SEC16A: variants seen among roughly 807,000 people sequenced by gnomAD.
SEC16A encodes the protein SEC16 homolog A, endoplasmic reticulum export factor.
SEC16A carries 110 observed loss-of-function variants against 221.9 expected under a neutral mutation model. The ratio of observed to expected loss-of-function variants is 0.50; its 90% CI spans 0.42 to 0.58. The LOEUF (loss-of-function observed/expected upper bound fraction) is 0.58, where lower values mean the gene tolerates loss of function less well. SEC16A is among the 20% of genes least tolerant of loss of function. The pLI is 0.00. For synonymous variants in SEC16A, 1,393 were observed against 1,257.7 expected (o/e 1.11, Z -2.28); for missense variants, 3,165 against 3,097.8 (o/e 1.02, Z -0.52).
intron 28 of SEC16A, 112 bp downstream of exon 28, chr9:136,446,743 C>G: frequency 9.1e-7 from 1 of 1,098,588 alleles, no homozygotes; most frequent in Non-Finnish European, 1.3e-6. Flanking sequence ...TAAGGCGGAA[C>G]ACTCTACGTA....
rs769540478 is a variant in SEC16A at position 136,472,063 on chromosome 9, C to A, written c.3616G>T (p.Ala1206Ser). The change falls in exon 4 of 32, where the codon GCG becomes TCG. Residue 1206 changes from alanine to serine, a missense_variant. Physicochemically the swap from Ala to Ser is moderately conservative, Grantham distance 99. Coordinates refer to ENST00000684901, the MANE Select transcript of SEC16A (RefSeq NM_014866.2). ...EPRYRPYDGA[A>S]SAYAQNYRYP... is the part of the protein sequence containing the mutation. ...CGGTAGTTCTGGGCGTAAGCAGACG[C>A]AGCACCATCATAGGGCCTGTATCGA... is the stretch of plus-strand genomic sequence containing the variant. 3 of 1,613,636 alleles carry A rather than the reference C, an allele frequency of 1.9e-6. No homozygotes were observed. The East Asian group carries it at 6.7e-5, about 36-fold the overall frequency.
intron 1 of SEC16A, among the ~76,000 whole-genome samples, chr9:136,481,134 T>C (rs920804358): frequency 7.4e-6 from 1 of 135,988 alleles, no homozygotes; most frequent in African/African-American, 2.7e-5. Context: ...TTATTCTTTT[T>C]TTTTTTTTTT....
In SEC16A at chr9:136,463,481, G is replaced by C; in HGVS notation, c.4629C>G (p.Leu1543=). 1 of 1,613,806 alleles carries C rather than the reference G, an allele frequency of 6.2e-7. No individual in the cohort carries two copies. The highest frequency in any genetic ancestry group is 8.5e-7 in the Non-Finnish European group (1 of 1,179,832). Residue 1543 remains leucine, a synonymous_variant, in exon 11 of 32, where the codon CTC becomes CTG. Coordinates refer to ENST00000684901, the MANE Select transcript of SEC16A (RefSeq NM_014866.2). ...SASLLWNFIV[L]LCRQNGTVVG... is the part of the protein sequence containing the mutation. ...AACATACCCCATTTTGTCTGCATAA[G>C]AGAACAATAAAATTCCAAAGAAGAC...
At position 136,454,163 on chromosome 9, in the gene SEC16A, G is replaced by A; in HGVS notation, c.6022C>T (p.Pro2008Ser). Residue 2008 changes from proline to serine, a missense_variant, in exon 21 of 32, where the codon CCA (proline) becomes TCA (serine). Physicochemically the swap from Pro to Ser is moderately conservative, Grantham distance 74. Around this residue, in one of 3 missense-constraint regions of SEC16A, gnomAD observed 1,088 missense variants for 1,089.6 expected, o/e 1.00. Coordinates refer to ENST00000684901, the MANE Select transcript of SEC16A (RefSeq NM_014866.2). ...AAGTGTCTCCTTTCCTGCAGAGGTG[G>A]CACACCAGGTGGGAGGCCAGGCCCG... ...PSGPGLPPGV[P>S]PLQERRHLLQ... The A allele has an allele frequency of 6.4e-7, 1 of 1,556,576 alleles. No homozygotes were observed. The highest frequency in any genetic ancestry group is 8.7e-7 in the Non-Finnish European group (1 of 1,149,868).
rs1017505490 is a variant in SEC16A at position 136,463,025 on chromosome 9, C to A, written c.4755G>T (p.Glu1585Asp). The A allele has an allele frequency of 1.2e-6, 2 of 1,612,254 alleles. No individual in the cohort carries two copies. Among genetic ancestry groups the A allele is most frequent in the Admixed American group, 1.7e-5 (1 of 60,008 alleles). The change falls in exon 12 of 32, where the codon GAG (glutamate) becomes GAT (aspartate). Residue 1585 changes from glutamate (E) to aspartate (D), a missense_variant. Around this residue, in one of 3 missense-constraint regions of SEC16A, gnomAD observed 1,088 missense variants for 1,089.6 expected, o/e 1.00. Transcript: ENST00000684901. ...CCTCCTCTTCCACCTGCTCCACTGC[C>A]TCATTCGTGAAATCAATCAGGTTTG... ...NEANLIDFTN[E>D]AVEQVEEEES...
chr9:136,447,289 G>T lies in SEC16A; in HGVS notation c.6635C>A (p.Ala2212Glu), dbSNP rs778158049. The change falls in exon 27 of 32, where the codon GCG becomes GAG. Residue 2212 changes from alanine to glutamate, a missense_variant. Coordinates refer to ENST00000684901, the MANE Select transcript of SEC16A (RefSeq NM_014866.2). The surrounding 1 kb of genome is among the most constrained non-coding windows in gnomAD (Gnocchi z 5.5). Reference sequence around the variant, plus strand: ...TGGCGCGAGTGGAGCGACAAAGTCCGCAGGAGCGAGAGCCGGCTCGCTCCG... The same window carrying T: ...TGGCGCGAGTGGAGCGACAAAGTCCTCAGGAGCGAGAGCCGGCTCGCTCCG... ...TQRSEPALAP[A>E]DFVAPLAPLP... 1.9e-6 allele frequency: 3 copies of T among 1,597,568 alleles called. No individual in the cohort carries two copies. The highest frequency in any genetic ancestry group is 2.7e-5 in the African/African-American group (2 of 74,826).
chr9:136,447,077 C>CAA lies in SEC16A; in HGVS notation c.6698-130_6698-129dup. On this transcript the variant is annotated intron_variant, in intron 27 of 31. Transcript: ENST00000684901. The surrounding 1 kb of genome is among the most constrained non-coding windows in gnomAD (Gnocchi z 5.5). ...CACACTCATGCAGAAACAGGCAAAT[C>CAA]AAAAAAAAAACCACAAACCAACCCC... The CAA allele has an allele frequency of 4.1e-6, 6 of 1,449,294 alleles. No homozygotes were observed. Among genetic ancestry groups the CAA allele is most frequent in the East Asian group, 2.5e-5 (1 of 39,818 alleles). The allele number at this position is 1,449,294 out of a possible 1,614,324, so 89.8% of individuals were successfully genotyped here.
Position 136,471,984 on chromosome 9 carries a change from G to A in SEC16A, c.3695C>T (p.Pro1232Leu). The A allele has an allele frequency of 6.2e-7, 1 of 1,612,008 alleles. No individual in the cohort carries two copies. Among genetic ancestry groups the A allele is most frequent in the Non-Finnish European group, 8.5e-7 (1 of 1,179,828 alleles). Residue 1232 changes from proline (P) to leucine (L), a missense_variant, in exon 4 of 32, where the codon CCA becomes CTA. Transcript: ENST00000684901. ...GTGGGCGCGGCCGCACCTGGGAGGT[G>A]GCCGTTCCGAGGAGTGGCTGGCTCG... ...SSRASHSSER[P>L]PPRQGYPEGY...
At position 136,476,148 on chromosome 9, in the gene SEC16A, C is replaced by CATAT. The variant is rs1214665156; in HGVS notation, c.1464_1467dup (p.Gly490IlefsTer22). 1 of 1,613,740 alleles carries CATAT rather than the reference C, an allele frequency of 6.2e-7. No individual in the cohort carries two copies. Among genetic ancestry groups the CATAT allele is most frequent in the Non-Finnish European group, 8.5e-7 (1 of 1,179,896 alleles). ...GGCACAGCTGGCCCAGGAAGGGGCC[C>CATAT]ATATCTGAACTGGTCACTCGGGGAG... is the stretch of plus-strand genomic sequence containing the variant. On this transcript the variant is annotated frameshift_variant, in exon 3 of 32. Transcript: ENST00000684901. LOFTEE classifies it high-confidence loss of function.
rs771965714 is a variant in SEC16A, at chr9:136,474,482, G to A, written c.3134C>T (p.Thr1045Met). ...PNLDRFYQQVTKDAQGQPGLE... is the reference protein window; with the variant it reads ...PNLDRFYQQVMKDAQGQPGLE... ...GCCAGGCTGGCCCTGGGCATCTTTC[G>A]TGACCTGCTGATAAAAACGGTCAAG... The change falls in exon 3 of 32, where the codon ACG (threonine) becomes ATG (methionine). Residue 1045 changes from threonine to methionine, a missense_variant. Thr to Met is a moderately conservative substitution (Grantham distance 81, BLOSUM62 -1). Around this residue, in one of 3 missense-constraint regions of SEC16A, gnomAD observed 2,030 missense variants for 1,923.1 expected, o/e 1.06. Coordinates refer to ENST00000684901, the MANE Select transcript of SEC16A (RefSeq NM_014866.2). The A allele has an allele frequency of 2.4e-5, 38 of 1,613,064 alleles. No individual in the cohort carries two copies. Among genetic ancestry groups the A allele is most frequent in the South Asian group, 2.0e-4 (18 of 91,080 alleles).
chr9:136,457,056 C>T (rs1838776677), intron 18 of SEC16A, among the ~76,000 whole-genome samples: 1 of 152,178 alleles, frequency 6.6e-6, no homozygotes, highest in African/African-American at 2.4e-5. Context: ...GCCTGTAATC[C>T]CAGCTACTTG....
rs549953742 is a variant in SEC16A, at chr9:136,441,222, C to T, written c.*533G>A. ...TCGGAGGCGCTGATTGAGAACACAG[C>T]GCCCTCCACTCATTCAGCCAGGTTC... On this transcript the variant is annotated 3_prime_UTR_variant, in exon 32 of 32. Coordinates refer to ENST00000684901, the MANE Select transcript of SEC16A (RefSeq NM_014866.2). 6.0e-4 allele frequency: 94 copies of T among 155,602 alleles called. No homozygotes were observed. The highest frequency in any genetic ancestry group is 2.1e-3 in the African/African-American group (86 of 41,628). The allele number at this position is 155,602 out of a possible 1,614,324, so 9.6% of individuals were successfully genotyped here.
At position 136,476,921 on chromosome 9, in the gene SEC16A, C is replaced by T. The variant is rs757813112; in HGVS notation, c.695G>A (p.Cys232Tyr). 8.7e-5 allele frequency: 140 copies of T among 1,611,812 alleles called. No individual in the cohort carries two copies. The highest frequency in any genetic ancestry group is 1.1e-4 in the Non-Finnish European group (134 of 1,179,554). ...CCCGCTGGGAACAGGTCCTTCAGGG[C>T]AGGGTGAACGATGTTGCCCCGAGGG... ...PQPSGQHRSPCPEGPVPSGVP... is the reference protein window; with the variant it reads ...PQPSGQHRSPYPEGPVPSGVP... The change falls in exon 3 of 32, where the codon TGC becomes TAC. Residue 232 changes from cysteine (C) to tyrosine (Y), a missense_variant. This residue lies in a region of SEC16A where 2,030 missense variants were observed against 1,923.1 expected (regional missense o/e 1.06). Transcript: ENST00000684901.
rs1262559434 is a variant in SEC16A at position 136,468,504 on chromosome 9, T to C, written c.3713A>G (p.Tyr1238Cys). 21 of 1,606,680 alleles carry C rather than the reference T, an allele frequency of 1.3e-5. No homozygotes were observed. The highest frequency in any genetic ancestry group is 3.4e-6 in the Non-Finnish European group (4 of 1,173,836). ...SSERPPPRQG[Y>C]PEGYYSSKSG... ...TTTGGAACTATAGTATCCTTCAGGA[T>C]ATCCTTGCCTGAAAAAACACACAGT... Residue 1238 changes from tyrosine (Y) to cysteine (C), a missense_variant, in exon 5 of 32, where the codon TAT becomes TGT. Transcript: ENST00000684901.
intron 29 of SEC16A, among the ~76,000 whole-genome samples, chr9:136,445,415 G>A (rs1317858727): frequency 6.6e-5 from 10 of 152,182 alleles, no homozygotes; most frequent in East Asian, 3.9e-4. Flanking sequence ...GGAGAGGACC[G>A]GGACTGAGGC....
chr9:136,440,494 T>G lies in SEC16A; in HGVS notation c.*1261A>C, dbSNP rs1015049214. On this transcript the variant is annotated 3_prime_UTR_variant, in exon 32 of 32. Transcript: ENST00000684901. ...ATTTAAAACACCAAACAGTTTGTATTCCTCCAGCAGAACCTACAGAAATTA... is the reference window on the plus strand; with the variant it reads ...ATTTAAAACACCAAACAGTTTGTATGCCTCCAGCAGAACCTACAGAAATTA... 1.3e-5 allele frequency: 2 copies of G among 152,676 alleles called. No individual in the cohort carries two copies. Among genetic ancestry groups the G allele is most frequent in the African/African-American group, 4.8e-5 (2 of 41,470 alleles). The allele number at this position is 152,676 out of a possible 1,614,324, so 9.5% of individuals were successfully genotyped here. A position where few individuals can be genotyped will look rare whatever the true frequency, so the allele number is the denominator to read the frequency against.
In SEC16A at chr9:136,440,610, T is replaced by G. The variant is rs1836086619; in HGVS notation, c.*1145A>C. Reference sequence around the variant, plus strand: ...GAGTTTCAGAACAGTCAGAGAAGCCTTAAAGCTTTGCATCAGTGAGAGGAG... The same window carrying G: ...GAGTTTCAGAACAGTCAGAGAAGCCGTAAAGCTTTGCATCAGTGAGAGGAG... On this transcript the variant is annotated 3_prime_UTR_variant, in exon 32 of 32. Transcript: ENST00000684901. The G allele has an allele frequency of 6.6e-6, 1 of 152,634 alleles. No individual in the cohort carries two copies. Among genetic ancestry groups the G allele is most frequent in the Admixed American group, 6.5e-5 (1 of 15,286 alleles). 9.5% of individuals were successfully genotyped at this position (152,634 alleles called of 1,614,324 possible). A position where few individuals can be genotyped will look rare whatever the true frequency, so the allele number is the denominator to read the frequency against.
upstream of SEC16A, among the ~76,000 whole-genome samples, chr9:136,483,312 C>A (rs934033015): frequency 1.6e-5 from 2 of 125,768 alleles, no homozygotes; most frequent in Non-Finnish European, 3.4e-5. Context: ...CACGCCTTAT[C>A]CTGTAGTTCC....
intron 2 of SEC16A, among the ~76,000 whole-genome samples, chr9:136,478,330 G>A (rs999962724): frequency 2.7e-5 from 4 of 150,842 alleles, no homozygotes; most frequent in Non-Finnish European, 4.4e-5. Flanking sequence ...GTCAGCCTGG[G>A]AGGTTGAGGC....
Sources: gnomAD v4.1 joint callset for allele counts (sites outside exome capture counted in the v4.1 genomes callset) on GRCh38, gnomAD v4.1.1 for gene constraint, gnomAD v4.1.1 regional missense constraint, Gnocchi (gnomAD v3.1) non-coding constraint, MANE v1.5 for transcripts, NCBI Gene and HGNC (gene_info 2026-07-23, HGNC 2026-07-21) for gene names.